CTNNA3: variants seen among roughly 807,000 people sequenced by gnomAD.
The protein encoded by CTNNA3 is catenin alpha 3, also known as catenin alpha-3.
A neutral mutation model predicts 95.7 loss-of-function variants in CTNNA3; 76 were observed. That is an observed-to-expected ratio of 0.79 (90% CI 0.66 to 0.96). CTNNA3 has a LOEUF of 0.96. Ranked by LOEUF, CTNNA3 falls within the 40% of genes least tolerant of loss-of-function variation. The pLI, the probability that CTNNA3 is intolerant of heterozygous loss-of-function variation, is 0.00. For missense variants in CTNNA3, 1,191 were observed against 1,089.8 expected (o/e 1.09, Z -1.31); for synonymous variants, 431 against 374.4 (o/e 1.15, Z -1.74).
At chr10:66,463,855 TGGTCTGAACAGAG>T in intron 11 of CTNNA3, among the ~76,000 whole-genome samples, 1 of 151,352 alleles carries the variant, frequency 6.6e-6, no homozygotes, top group East Asian at 2.0e-4. Context: ...GCAAACCATG[TGGTCTGAACAGAG>T]GGAGCAGTCA....
intron 13 of CTNNA3, among the ~76,000 whole-genome samples, chr10:66,255,897 C>T (rs2090751264): frequency 1.3e-5 from 2 of 152,154 alleles, no homozygotes; most frequent in South Asian, 2.1e-4. Context: ...TTTGTTTTAA[C>T]GTGGCAAGAT....
chr10:67,459,477 G>A (rs1390745467), intron 5 of CTNNA3, among the ~76,000 whole-genome samples: 1 of 152,118 alleles, frequency 6.6e-6, no homozygotes, highest in African/African-American at 2.4e-5. Context: ...GCTTCAAATA[G>A]GATATTTTCA....
intron 5 of CTNNA3, among the ~76,000 whole-genome samples, chr10:67,434,479 G>C (rs7907340): frequency 0.85 from 129,121 of 151,828 alleles, 56,195 homozygotes; most frequent in Non-Finnish European, 0.95. Flanking sequence ...TAACAGTGTC[G>C]AGATTAAATC....
At chr10:66,498,438 T>C (rs1840169890) in intron 11 of CTNNA3, among the ~76,000 whole-genome samples, 1 of 152,136 alleles carries the variant, frequency 6.6e-6, no homozygotes, top group African/African-American at 2.4e-5. Context: ...CTTTTGTTCA[T>C]ACAACTTATC....
chr10:66,679,510 A>T (rs1846989858), intron 9 of CTNNA3, among the ~76,000 whole-genome samples: 1 of 152,154 alleles, frequency 6.6e-6, no homozygotes. Context: ...TGGACTAGAG[A>T]AAATAAGTTG....
chr10:67,137,310 T>TC (rs1860347347), intron 7 of CTNNA3, among the ~76,000 whole-genome samples: 1 of 99,570 alleles, frequency 1.0e-5, no homozygotes, highest in Non-Finnish European at 1.9e-5. Flanking sequence ...ATTTTCTGTA[T>TC]TAAAAAAATA....
chr10:66,246,869 G>A (rs1450652734), intron 13 of CTNNA3, among the ~76,000 whole-genome samples: 6 of 151,738 alleles, frequency 4.0e-5, no homozygotes, highest in Non-Finnish European at 5.9e-5. Context: ...TGGCTAACAC[G>A]GTGAAACCCC....
intron 12 of CTNNA3, among the ~76,000 whole-genome samples, chr10:66,375,212 C>A (rs2092786906): frequency 6.6e-6 from 1 of 150,992 alleles, no homozygotes; most frequent in African/African-American, 2.4e-5. Flanking sequence ...GTGGAAGGTG[C>A]CTTTTGGCCC....
In CTNNA3 at chr10:66,395,043, T is replaced by A. The variant is rs2092964932; in HGVS notation, c.1532-15691A>T. On this transcript the variant is annotated intron_variant, in intron 11 of 17. Coordinates refer to ENST00000433211, the MANE Select transcript of CTNNA3 (RefSeq NM_013266.4). ...TTTTCCCCTCAGAATAATAAGTATATACACAGCTCAATTATCTTTACTACC... is the reference window on the plus strand; with the variant it reads ...TTTTCCCCTCAGAATAATAAGTATAAACACAGCTCAATTATCTTTACTACC... Among the ~76,000 whole-genome samples the A allele has an allele frequency of 2.6e-5, 4 of 152,106 alleles. No homozygotes were observed. In the South Asian group the frequency reaches 8.3e-4, roughly 32 times the overall value.
intron 11 of CTNNA3, among the ~76,000 whole-genome samples, chr10:66,510,866 C>T (rs576670754): frequency 6.6e-6 from 1 of 151,300 alleles, no homozygotes; most frequent in Non-Finnish European, 1.5e-5. Context: ...TTTGTTGTGC[C>T]CTTGTCTGGT....
intron 13 of CTNNA3, among the ~76,000 whole-genome samples, chr10:66,125,339 G>A (rs181033816): frequency 1.3e-5 from 2 of 151,930 alleles, no homozygotes; most frequent in East Asian, 3.9e-4. Flanking sequence ...TTGAGGGGAG[G>A]AATTGAGAAT....
At chr10:66,974,847 T>C (rs1849939907) in intron 7 of CTNNA3, among the ~76,000 whole-genome samples, 1 of 152,104 alleles carries the variant, frequency 6.6e-6, no homozygotes, top group African/African-American at 2.4e-5. Flanking sequence ...TTCATCTATA[T>C]TTAGTTGAGT....
chr10:66,028,415 A>G (rs1589266261), intron 15 of CTNNA3, among the ~76,000 whole-genome samples: 1 of 152,348 alleles, frequency 6.6e-6, no homozygotes, highest in East Asian at 1.9e-4. Context: ...CTATGCAGCC[A>G]TAAAAAATGA....
intron 12 of CTNNA3, among the ~76,000 whole-genome samples, chr10:66,336,850 C>A (rs1262599962): frequency 1.3e-5 from 2 of 152,112 alleles, no homozygotes; most frequent in South Asian, 2.1e-4. Flanking sequence ...CTTGAGAACC[C>A]ATCAGAAGAT....
intron 7 of CTNNA3, among the ~76,000 whole-genome samples, chr10:66,817,727 A>C (rs1564702340): frequency 6.6e-6 from 1 of 152,064 alleles, no homozygotes; most frequent in Non-Finnish European, 1.5e-5. Flanking sequence ...TATTCAAAAA[A>C]TTAATACTAA....
intron 2 of CTNNA3, among the ~76,000 whole-genome samples, chr10:67,622,348 A>G (rs1206595993): frequency 6.6e-6 from 1 of 152,226 alleles, no homozygotes; most frequent in Non-Finnish European, 1.5e-5. Flanking sequence ...GTGGGTATCT[A>G]TGGAATCAGT....
At chr10:66,022,122 T>C (rs984158999) in intron 15 of CTNNA3, among the ~76,000 whole-genome samples, 2 of 152,052 alleles carry the variant, frequency 1.3e-5, no homozygotes, top group Non-Finnish European at 2.9e-5. Flanking sequence ...CCTCCAAAAG[T>C]GCTGAGATTA....
chr10:66,064,022 C>T (rs544063522), intron 15 of CTNNA3, among the ~76,000 whole-genome samples: 27 of 151,998 alleles, frequency 1.8e-4, no homozygotes, highest in Non-Finnish European at 3.4e-4. Flanking sequence ...AAGAATTGCC[C>T]GAGACTGGGT....
chr10:66,838,820 A>G (rs146162143), intron 7 of CTNNA3, among the ~76,000 whole-genome samples: 145 of 152,292 alleles, frequency 9.5e-4, no homozygotes, highest in African/African-American at 3.3e-3. Context: ...GCAAGTCTGT[A>G]TTCTGGAACC....
Sources: allele counts gnomAD v4.1 joint callset (sites outside exome capture counted in the v4.1 genomes callset), GRCh38; gene constraint gnomAD v4.1.1; transcripts MANE v1.5; gene names NCBI Gene and HGNC (gene_info 2026-07-23, HGNC 2026-07-21).